The following CNTNAP2 variants were observed in gnomAD, a reference collection of about 807,000 sequenced individuals.
The protein encoded by CNTNAP2 is contactin associated protein 2.
In CNTNAP2, 98 loss-of-function variants were observed where a neutral mutation model predicts 155.2. The observed-to-expected ratio is 0.63, with a 90% CI of 0.54 to 0.75. The LOEUF is 0.75. Ranked by LOEUF, CNTNAP2 falls within the 30% of genes least tolerant of loss-of-function variation. The pLI, the probability that CNTNAP2 is intolerant of heterozygous loss-of-function variation, is 0.00. For missense variants in CNTNAP2, 1,727 were observed against 1,688.1 expected, an observed-to-expected ratio of 1.02 and a Z score of -0.40; for synonymous variants, 651 against 631.2, an observed-to-expected ratio of 1.03 and a Z score of -0.47.
chr7:147,261,186 G>A (rs1259962101), intron 8 of CNTNAP2, among the ~76,000 whole-genome samples: 1 of 152,082 alleles, frequency 6.6e-6, no homozygotes, highest in Non-Finnish European at 1.5e-5. Flanking sequence ...GTATCCTTTT[G>A]GTCACCCATT....
At chr7:147,598,529 T>C (rs1800873623) in intron 12 of CNTNAP2, among the ~76,000 whole-genome samples, 1 of 152,198 alleles carries the variant, frequency 6.6e-6, no homozygotes, top group Non-Finnish European at 1.5e-5. Flanking sequence ...TTTTTATGGC[T>C]GCATAGTATT....
chr7:146,886,933 TG>T (rs1371564874), intron 3 of CNTNAP2, among the ~76,000 whole-genome samples: 1 of 151,726 alleles, frequency 6.6e-6, no homozygotes, highest in African/African-American at 2.4e-5. Flanking sequence ...TGCCAGTGAG[TG>T]ACGTCTGCCC....
At chr7:147,182,580 A>G (rs959263809) in intron 8 of CNTNAP2, among the ~76,000 whole-genome samples, 5 of 151,968 alleles carry the variant, frequency 3.3e-5, no homozygotes, top group African/African-American at 1.2e-4. Context: ...TTCTTTACTA[A>G]ACTCTACTCA....
At chr7:148,296,545 CAAA>C (rs143609414) in intron 21 of CNTNAP2, among the ~76,000 whole-genome samples, 24 of 76,602 alleles carry the variant, frequency 3.1e-4, no homozygotes, top group Middle Eastern at 9.8e-3. Context: ...GACTCTGTCT[CAAA>C]AAAAAAAAAA....
intron 14 of CNTNAP2, among the ~76,000 whole-genome samples, chr7:147,906,763 A>G (rs146409346): frequency 1.4e-3 from 220 of 152,174 alleles, no homozygotes; most frequent in African/African-American, 5.0e-3. Context: ...CCCAGTCACA[A>G]GATTGATTTT....
intron 9 of CNTNAP2, among the ~76,000 whole-genome samples, chr7:147,319,874 C>G (rs984968917): frequency 3.3e-5 from 5 of 152,238 alleles, no homozygotes; most frequent in Non-Finnish European, 7.4e-5. Flanking sequence ...AGTATGAATT[C>G]TATTTCAAGC....
intron 18 of CNTNAP2, among the ~76,000 whole-genome samples, chr7:148,177,514 T>C (rs1794960415): frequency 6.6e-6 from 1 of 152,190 alleles, no homozygotes; most frequent in Non-Finnish European, 1.5e-5. Context: ...ATAATACAAG[T>C]TCGAAGAAAA....
At chr7:146,143,121 T>A (rs4506126) in intron 1 of CNTNAP2, among the ~76,000 whole-genome samples, 49,040 of 152,086 alleles carry the variant, frequency 0.32, 9,614 homozygotes, top group African/African-American at 0.55. Flanking sequence ...TTGGAATCAC[T>A]CTGTGTGGCT....
chr7:147,889,596 T>C (rs1799654025), intron 13 of CNTNAP2, among the ~76,000 whole-genome samples: 1 of 152,160 alleles, frequency 6.6e-6, no homozygotes, highest in Admixed American at 6.5e-5. Context: ...TTGAAAGATA[T>C]AGTATTATAG....
intron 3 of CNTNAP2, among the ~76,000 whole-genome samples, chr7:146,901,193 G>T (rs1451787632): frequency 6.6e-6 from 1 of 151,936 alleles, no homozygotes; most frequent in Non-Finnish European, 1.5e-5. Flanking sequence ...ATAAATAAAG[G>T]AATATTATGG....
intron 13 of CNTNAP2, among the ~76,000 whole-genome samples, chr7:147,678,079 C>T (rs149761871): frequency 1.3e-5 from 2 of 151,718 alleles, no homozygotes; most frequent in African/African-American, 4.8e-5. Context: ...AATTGATAAC[C>T]TAAACTTGAT....
At chr7:148,004,794 T>A (rs1238144877) in intron 15 of CNTNAP2, among the ~76,000 whole-genome samples, 2 of 152,194 alleles carry the variant, frequency 1.3e-5, no homozygotes, top group African/African-American at 4.8e-5. Flanking sequence ...TAAATAGAAC[T>A]CGAGTTTTTC....
intron 8 of CNTNAP2, among the ~76,000 whole-genome samples, chr7:147,268,300 T>G (rs1379521688): frequency 6.6e-6 from 1 of 152,148 alleles, no homozygotes; most frequent in Non-Finnish European, 1.5e-5. Context: ...TGACCAAATT[T>G]ATATCTTGCT....
At chr7:146,155,508 A>G (rs1798111433) in intron 1 of CNTNAP2, among the ~76,000 whole-genome samples, 1 of 152,066 alleles carries the variant, frequency 6.6e-6, no homozygotes, top group Non-Finnish European at 1.5e-5. Context: ...TAAAAACTGA[A>G]CTGAATTCAA....
At chr7:148,355,147 A>G (rs931030692) in intron 21 of CNTNAP2, among the ~76,000 whole-genome samples, 1 of 130,058 alleles carries the variant, frequency 7.7e-6, no homozygotes, top group African/African-American at 3.0e-5. Context: ...AATCCACTTC[A>G]TGCATCAGCC....
chr7:146,493,927 T>C, intron 1 of CNTNAP2, among the ~76,000 whole-genome samples: 1 of 152,226 alleles, frequency 6.6e-6, no homozygotes, highest in Non-Finnish European at 1.5e-5. Context: ...CAGTGTACCC[T>C]GCTTGAGTGA....
chr7:147,062,355 A>G (rs1323732327), intron 4 of CNTNAP2, among the ~76,000 whole-genome samples: 1 of 152,006 alleles, frequency 6.6e-6, no homozygotes, highest in African/African-American at 2.4e-5. Flanking sequence ...ATTATTCACA[A>G]TGTCATTCCC....
intron 14 of CNTNAP2, among the ~76,000 whole-genome samples, chr7:147,968,985 T>C (rs967618044): frequency 6.6e-6 from 1 of 152,192 alleles, no homozygotes; most frequent in Admixed American, 6.5e-5. Context: ...AAAAGTGGAT[T>C]GGTCATTTCA....
chr7:147,148,094 G>A (rs1218680082), intron 8 of CNTNAP2, among the ~76,000 whole-genome samples: 6 of 152,152 alleles, frequency 3.9e-5, no homozygotes, highest in Non-Finnish European at 7.3e-5. Flanking sequence ...ACATTATATG[G>A]TAAAAAGTGG....
Sources: allele counts gnomAD v4.1 joint callset (sites outside exome capture counted in the v4.1 genomes callset), GRCh38; gene constraint gnomAD v4.1.1; transcripts MANE v1.5; gene names NCBI Gene and HGNC (gene_info 2026-07-23, HGNC 2026-07-21).